Variants in PPP1R37 observed in about 807,000 individuals in gnomAD.
PPP1R37 encodes the protein protein phosphatase 1 regulatory subunit 37.
Under a neutral mutation model 61.0 loss-of-function variants are expected in PPP1R37, and 21 were observed. That is an observed-to-expected ratio of 0.34 (90% CI 0.24 to 0.50). The LOEUF is 0.50. PPP1R37 is among the 20% of genes least tolerant of loss of function. PPP1R37 has a pLI of 0.98. For missense variants in PPP1R37, 910 were observed against 952.7 expected (o/e 0.96, Z 0.59); for synonymous variants, 443 against 433.5 (o/e 1.02, Z -0.27).
Position 45,142,626 on chromosome 19 carries a change from G to A in PPP1R37, c.874+168G>A, listed in dbSNP as rs555782841. The A allele has an allele frequency of 2.5e-5, 18 of 722,088 alleles. No homozygotes were observed. The African/African-American group carries it at 3.0e-4, about 12-fold the overall frequency. The allele number at this position is 722,088 out of a possible 1,614,324, so 44.7% of individuals were successfully genotyped here. ...CCGCCCTAGACAGTGACAACCTAGA[G>A]TGGGCAGGACTGGGCTGGTGGAGCC... On this transcript the variant is annotated intron_variant, in intron 7 of 12. Coordinates refer to ENST00000221462, the MANE Select transcript of PPP1R37 (RefSeq NM_019121.2).
At position 45,129,043 on chromosome 19, in the gene PPP1R37, G is replaced by T. The variant is rs540449708; in HGVS notation, c.203-9471G>T. On this transcript the variant is annotated intron_variant, in intron 1 of 12. Coordinates refer to ENST00000221462, the MANE Select transcript of PPP1R37 (RefSeq NM_019121.2). ...GCCATGGCAAAAGAACTGGCTCCCA[G>T]GGTGACAGTGGTGGCAGCAGTGATC... is the stretch of plus-strand genomic sequence containing the variant. 6.9e-4 allele frequency: 532 copies of T among 769,204 alleles called. 1 individual carries two copies. Among genetic ancestry groups the T allele is most frequent in the Non-Finnish European group, 6.8e-4 (301 of 445,320 alleles). The allele number at this position is 769,204 out of a possible 1,614,324, so 47.6% of individuals were successfully genotyped here. A position where few individuals can be genotyped will look rare whatever the true frequency, so the allele number is the denominator to read the frequency against.
chr19:45,126,439 G>A (rs1968405708), intron 1 of PPP1R37, among the ~76,000 whole-genome samples: 1 of 152,148 alleles, frequency 6.6e-6, no homozygotes, highest in South Asian at 2.1e-4. Flanking sequence ...GACGGAGCAG[G>A]GATTGGAACC....
chr19:45,115,475 A>G (rs1403680658), intron 1 of PPP1R37, among the ~76,000 whole-genome samples: 1 of 152,042 alleles, frequency 6.6e-6, no homozygotes, highest in Admixed American at 6.6e-5. Flanking sequence ...CATGAACAGA[A>G]AGGTCAAGGG....
At chr19:45,106,245 TTTG>T (rs1397776254) in intron 1 of PPP1R37, among the ~76,000 whole-genome samples, 1 of 152,072 alleles carries the variant, frequency 6.6e-6, no homozygotes, top group African/African-American at 2.4e-5. Context: ...TGTTTTTGTT[TTTG>T]TTTTTTTTTT....
chr19:45,117,380 A>AGCC (rs973368122), intron 1 of PPP1R37, among the ~76,000 whole-genome samples: 2 of 152,150 alleles, frequency 1.3e-5, no homozygotes, highest in Admixed American at 6.5e-5. Flanking sequence ...GCCGAGGGTG[A>AGCC]GCCCCGGTGG....
rs538419211 is a variant in PPP1R37 at position 45,127,867 on chromosome 19, A to C, written c.203-10647A>C. Among the ~76,000 whole-genome samples, 4 of 150,244 alleles carry C rather than the reference A, an allele frequency of 2.7e-5. No homozygotes were observed. The South Asian group carries it at 6.5e-4, about 24-fold the overall frequency. ...GCACATGCCTGTAGTTCCATCTACT[A>C]GGGAGGCTGAGGCAGGAGAATCCCT... On this transcript the variant is annotated intron_variant, in intron 1 of 12. Coordinates refer to ENST00000221462, the MANE Select transcript of PPP1R37 (RefSeq NM_019121.2).
At chr19:45,143,464 C>T in intron 7 of PPP1R37, 57 bp from the exon 8 acceptor site, 1 of 1,065,164 alleles carries the variant, frequency 9.4e-7, no homozygotes, top group Non-Finnish European at 1.4e-6. Flanking sequence ...CCCTGCAGTC[C>T]CCTCCCCAGG....
chr19:45,101,570 C>T (rs1302380208), intron 1 of PPP1R37, among the ~76,000 whole-genome samples: 6 of 152,144 alleles, frequency 3.9e-5, no homozygotes, highest in Non-Finnish European at 7.4e-5. Flanking sequence ...ATACAAAAAT[C>T]AGCCGGGCAT....
chr19:45,125,608 C>T (rs1968395169), intron 1 of PPP1R37, among the ~76,000 whole-genome samples: 1 of 152,208 alleles, frequency 6.6e-6, no homozygotes, highest in Non-Finnish European at 1.5e-5. Flanking sequence ...GCTCCTCTTT[C>T]CTGAGAGTTC....
At chr19:45,094,950 A>G (rs1967973621) in intron 1 of PPP1R37, among the ~76,000 whole-genome samples, 1 of 152,160 alleles carries the variant, frequency 6.6e-6, no homozygotes, top group African/African-American at 2.4e-5. Context: ...GGCAGTGTTG[A>G]GTCCATTTTG....
chr19:45,116,911 C>CTTTTT (rs61317000), intron 1 of PPP1R37, among the ~76,000 whole-genome samples: 2 of 121,068 alleles, frequency 1.7e-5, no homozygotes, highest in African/African-American at 6.2e-5. Context: ...GAGGAGGTGA[C>CTTTTT]TTTTTTTTTT....
In PPP1R37 at chr19:45,141,405, C is replaced by T; in HGVS notation, c.531C>T (p.Thr177=). Reference sequence around the variant, plus strand: ...TCTCCTTCAACAAGCACATCGGCACCCGGGGCTGGCAGGCGGCCGCCCACA... The same window carrying T: ...TCTCCTTCAACAAGCACATCGGCACTCGGGGCTGGCAGGCGGCCGCCCACA... ...LNISFNKHIG[T]RGWQAAAHMM... Residue 177 remains threonine (T), a synonymous_variant, in exon 5 of 13, where the codon ACC becomes ACT. Transcript: ENST00000221462. 6.5e-7 allele frequency: 1 copy of T among 1,536,006 alleles called. No homozygotes were observed. Among genetic ancestry groups the T allele is most frequent in the East Asian group, 2.4e-5 (1 of 40,890 alleles).
At chr19:45,116,706 T>C (rs1157689131) in intron 1 of PPP1R37, among the ~76,000 whole-genome samples, 10 of 152,134 alleles carry the variant, frequency 6.6e-5, no homozygotes, top group Non-Finnish European at 1.5e-4. Flanking sequence ...CATTCGTTCA[T>C]TCATAGACTC....
chr19:45,116,388 C>T (rs1968267467), intron 1 of PPP1R37, among the ~76,000 whole-genome samples: 1 of 152,228 alleles, frequency 6.6e-6, no homozygotes, highest in African/African-American at 2.4e-5. Flanking sequence ...CTATGTAAGC[C>T]TAGCCCGCCC....
chr19:45,101,575 G>C (rs1013015727), intron 1 of PPP1R37, among the ~76,000 whole-genome samples: 2 of 152,188 alleles, frequency 1.3e-5, no homozygotes, highest in Non-Finnish European at 2.9e-5. Context: ...AAAATCAGCC[G>C]GGCATGGTGG....
At chr19:45,108,665 G>C (rs1427417798) in intron 1 of PPP1R37, 1 of 145,344 alleles carries the variant, frequency 6.9e-6, no homozygotes, top group Non-Finnish European at 1.5e-5. Flanking sequence ...TTTTTTAATG[G>C]AGTTTCACTC....
chr19:45,142,309 C>T lies in PPP1R37; in HGVS notation c.725C>T (p.Ala242Val). 6.5e-7 allele frequency: 1 copy of T among 1,536,010 alleles called. No individual in the cohort carries two copies. The highest frequency in any genetic ancestry group is 8.7e-7 in the Non-Finnish European group (1 of 1,146,856). ...SGRPLMLLAT[A>V]LKMNMNLREL... is the part of the protein sequence containing the mutation. ...GCCCCCTCCCCGTCCCCAGCCACGG[C>T]CCTGAAGATGAACATGAACCTGCGG... Residue 242 changes from alanine to valine, a missense_variant, in exon 7 of 13, where the codon GCC (alanine) becomes GTC (valine). This residue lies in a region of PPP1R37 where 280 missense variants were observed against 382.2 expected (regional missense o/e 0.73). Coordinates refer to ENST00000221462, the MANE Select transcript of PPP1R37 (RefSeq NM_019121.2).
rs370847356 is a variant in PPP1R37 at position 45,145,487 on chromosome 19, C to T, written c.1431C>T (p.Thr477=). ...AGCTGTCGGCCTCCATGCCTGAGAC[C>T]ACCGCCACCGAGCCCCAGCCCGACG... is the stretch of plus-strand genomic sequence containing the variant. The part of the protein sequence containing the change: ...PPQLSASMPE[T]TATEPQPDDE... The change falls in exon 11 of 13, where the codon ACC becomes ACT. Residue 477 remains threonine, a synonymous_variant. Coordinates refer to ENST00000221462, the MANE Select transcript of PPP1R37 (RefSeq NM_019121.2). 5.2e-6 allele frequency: 8 copies of T among 1,534,622 alleles called. No homozygotes were observed. Among genetic ancestry groups the T allele is most frequent in the East Asian group, 2.4e-5 (1 of 40,894 alleles).
At chr19:45,113,500 C>T (rs1968226891) in intron 1 of PPP1R37, among the ~76,000 whole-genome samples, 1 of 152,242 alleles carries the variant, frequency 6.6e-6, no homozygotes. Flanking sequence ...ATCTGAACTT[C>T]ACTCCTGGCA....
Sources: gnomAD v4.1 joint callset for allele counts (sites outside exome capture counted in the v4.1 genomes callset) on GRCh38, gnomAD v4.1.1 for gene constraint, gnomAD v4.1.1 regional missense constraint, MANE v1.5 for transcripts, NCBI Gene and HGNC (gene_info 2026-07-23, HGNC 2026-07-21) for gene names.